CEP128: variants seen among roughly 807,000 people sequenced by gnomAD.
CEP128 encodes centrosomal protein 128kDa.
A neutral mutation model predicts 156.7 loss-of-function variants in CEP128; 132 were observed. The observed-to-expected ratio is 0.84, with a 90% CI of 0.73 to 0.97. The LOEUF (loss-of-function observed/expected upper bound fraction) is 0.97, where lower values mean the gene tolerates loss of function less well. Among genes scored for constraint, CEP128 ranks in the 50% least tolerant of loss-of-function variants. The pLI, the probability that CEP128 is intolerant of heterozygous loss-of-function variation, is 0.00. For missense variants in CEP128, 1,252 were observed against 1,281.9 expected (o/e 0.98, Z 0.36); for synonymous variants, 469 against 448.9 (o/e 1.04, Z -0.57).
At chr14:80,573,625 T>G (rs1040702182) in intron 20 of CEP128, among the ~76,000 whole-genome samples, 2 of 152,160 alleles carry the variant, frequency 1.3e-5, no homozygotes, top group Admixed American at 1.3e-4. Context: ...CACTACAATT[T>G]CAGTGGAATC....
At chr14:80,782,019 T>C (rs535477637) in intron 15 of CEP128, among the ~76,000 whole-genome samples, 1 of 152,268 alleles carries the variant, frequency 6.6e-6, no homozygotes, top group East Asian at 1.9e-4. Flanking sequence ...AAACAAACCA[T>C]TTCTCTATGC....
intron 19 of CEP128, among the ~76,000 whole-genome samples, chr14:80,658,774 T>C (rs762200929): frequency 2.0e-5 from 3 of 152,164 alleles, no homozygotes; most frequent in Admixed American, 6.6e-5. Flanking sequence ...GCAGAACCTG[T>C]CTCATGAGGT....
chr14:80,564,807 C>A (rs775342235), intron 20 of CEP128, among the ~76,000 whole-genome samples: 13 of 152,150 alleles, frequency 8.5e-5, no homozygotes, highest in Non-Finnish European at 1.9e-4. Flanking sequence ...GCCTGTAATT[C>A]CAGCACTTTG....
intron 18 of CEP128, among the ~76,000 whole-genome samples, chr14:80,754,410 T>G (rs1899537886): frequency 6.6e-6 from 1 of 151,936 alleles, no homozygotes; most frequent in Non-Finnish European, 1.5e-5. Context: ...AAGACTGAAA[T>G]TATCTGCATA....
chr14:80,898,286 T>C (rs1434477628), intron 7 of CEP128, among the ~76,000 whole-genome samples: 1 of 152,232 alleles, frequency 6.6e-6, no homozygotes, highest in Non-Finnish European at 1.5e-5. Flanking sequence ...TTCCTGTCCA[T>C]TATTTTTATA....
At chr14:80,518,233 T>C (rs1432969899) in intron 23 of CEP128, among the ~76,000 whole-genome samples, 1 of 151,150 alleles carries the variant, frequency 6.6e-6, no homozygotes, top group Non-Finnish European at 1.5e-5. Flanking sequence ...TAATTGGTAT[T>C]TTAGTGAGCT....
chr14:80,854,780 A>T (rs1887064583), intron 9 of CEP128, among the ~76,000 whole-genome samples: 1 of 152,234 alleles, frequency 6.6e-6, no homozygotes. Context: ...GGACCAAAAC[A>T]GTGTATTAAT....
intron 19 of CEP128, among the ~76,000 whole-genome samples, chr14:80,691,528 G>GAGAA (rs980488483): frequency 1.3e-5 from 2 of 152,112 alleles, no homozygotes; most frequent in African/African-American, 2.4e-5. Flanking sequence ...TAGGCAGGGA[G>GAGAA]AGAAAGAAAG....
chr14:80,775,502 T>C (rs1900740817), intron 16 of CEP128, among the ~76,000 whole-genome samples: 1 of 152,250 alleles, frequency 6.6e-6, no homozygotes, highest in Admixed American at 6.5e-5. Flanking sequence ...TAAGATTATA[T>C]GCCATTTTAG....
chr14:80,900,912 A>G (rs1277009470), intron 6 of CEP128, among the ~76,000 whole-genome samples: 1 of 152,196 alleles, frequency 6.6e-6, no homozygotes, highest in Admixed American at 6.5e-5. Context: ...GGAGTATAAA[A>G]GAGGCTTGGG....
chr14:80,509,276 G>C (rs1888134406), intron 23 of CEP128, among the ~76,000 whole-genome samples: 1 of 152,132 alleles, frequency 6.6e-6, no homozygotes. Context: ...AGTGTATGGG[G>C]GTTCCCCTTT....
chr14:80,582,980 C>A (rs2140454333), intron 19 of CEP128, among the ~76,000 whole-genome samples: 1 of 152,252 alleles, frequency 6.6e-6, no homozygotes, highest in East Asian at 1.9e-4. Context: ...CTTAGTATGG[C>A]AAGTCCAAAC....
chr14:80,926,220 C>T (rs1046349518), intron 2 of CEP128, among the ~76,000 whole-genome samples: 2 of 152,248 alleles, frequency 1.3e-5, no homozygotes, highest in East Asian at 1.9e-4. Context: ...AGGAGGGGCA[C>T]GACCTAAAAG....
intron 4 of CEP128, 136 bp from the exon 5 acceptor site, chr14:80,906,217 TAA>T (rs1434407182): frequency 3.3e-6 from 2 of 600,892 alleles, no homozygotes; most frequent in Non-Finnish European, 5.4e-6. Flanking sequence ...AATTTTAAAC[TAA>T]GTTATGTTTA....
At chr14:80,588,201 A>G (rs1434305599) in intron 19 of CEP128, among the ~76,000 whole-genome samples, 1 of 152,148 alleles carries the variant, frequency 6.6e-6, no homozygotes. Context: ...ACATTCTAAG[A>G]GTAAAACAGA....
intron 21 of CEP128, among the ~76,000 whole-genome samples, chr14:80,533,443 G>A (rs771703270): frequency 3.9e-5 from 6 of 152,128 alleles, no homozygotes; most frequent in Non-Finnish European, 8.8e-5. Context: ...TTACCCTACT[G>A]TAAAACGCAG....
chr14:80,818,445 A>G (rs542111405), intron 13 of CEP128, among the ~76,000 whole-genome samples: 1 of 152,394 alleles, frequency 6.6e-6, no homozygotes, highest in East Asian at 1.9e-4. Context: ...TACCAAAAGA[A>G]GTTCTTCAGG....
chr14:80,847,181 G>C (rs897638364), intron 9 of CEP128, among the ~76,000 whole-genome samples: 2 of 152,082 alleles, frequency 1.3e-5, no homozygotes, highest in African/African-American at 4.8e-5. Flanking sequence ...ATCTGTAAGA[G>C]GCTGAATAAG....
chr14:80,656,282 TATATATATTTATATATATATA>T (rs1895144745), intron 19 of CEP128, among the ~76,000 whole-genome samples: 1 of 7,338 alleles, frequency 1.4e-4, no homozygotes, highest in African/African-American at 7.1e-4. Flanking sequence ...TTTTTATTTA[TATATATATTTATATATATATA>T]TATATATATA....
Sources: allele counts gnomAD v4.1 joint callset (sites outside exome capture counted in the v4.1 genomes callset), GRCh38; gene constraint gnomAD v4.1.1; transcripts MANE v1.5; gene names NCBI Gene and HGNC (gene_info 2026-07-23, HGNC 2026-07-21).